The following TMPRSS15 variants were observed in gnomAD, a reference collection of about 807,000 sequenced individuals.
TMPRSS15 encodes enteropeptidase.
Under a neutral mutation model 125.3 loss-of-function variants are expected in TMPRSS15, and 128 were observed. The ratio of observed to expected loss-of-function variants is 1.02; its 90% CI spans 0.89 to 1.18. The LOEUF (loss-of-function observed/expected upper bound fraction) is 1.18. TMPRSS15 is among the 50% of genes most tolerant of loss of function. The probability of loss-of-function intolerance (pLI) is 0.00; values close to 1 mark genes in which losing one functional copy is unlikely to be tolerated. For missense variants in TMPRSS15, 1,283 were observed against 1,212.7 expected (o/e 1.06, Z -0.86); for synonymous variants, 446 against 423.2 (o/e 1.05, Z -0.66).
intron 1 of TMPRSS15, among the ~76,000 whole-genome samples, chr21:18,415,007 C>T (rs568812047): frequency 1.3e-4 from 20 of 151,950 alleles, no homozygotes; most frequent in Non-Finnish European, 1.0e-4. Context: ...ATTTTTCTAC[C>T]TTCTTGCTAG....
At chr21:18,384,006 C>G (rs755448546) in intron 3 of TMPRSS15, among the ~76,000 whole-genome samples, 21 of 152,120 alleles carry the variant, frequency 1.4e-4, no homozygotes, top group African/African-American at 5.1e-4. Context: ...AAAGTAGATG[C>G]AAAATTGAAA....
rs2075479931 is a variant in TMPRSS15, at chr21:18,344,063, G to A, written c.1172-3C>T. 1 of 1,611,230 alleles carries A rather than the reference G, an allele frequency of 6.2e-7. No individual in the cohort carries two copies. Among genetic ancestry groups the A allele is most frequent in the African/African-American group, 1.3e-5 (1 of 74,936 alleles). On this transcript the variant is annotated splice_polypyrimidine_tract_variant and splice_region_variant and intron_variant, in intron 10 of 24. Coordinates refer to ENST00000284885, the MANE Select transcript of TMPRSS15 (RefSeq NM_002772.3). ...AGTTGGGGTAGAAATGTAAAATCCT[G>A]TAAAAATATCAAAAAAAATTTATTT...
At chr21:18,346,851 T>C (rs1265226656) in intron 10 of TMPRSS15, among the ~76,000 whole-genome samples, 1 of 152,218 alleles carries the variant, frequency 6.6e-6, no homozygotes, top group African/African-American at 2.4e-5. Context: ...ATTCAAGATC[T>C]TTTATTATCT....
At chr21:18,394,577 C>T (rs2076017831) in intron 3 of TMPRSS15, among the ~76,000 whole-genome samples, 1 of 151,854 alleles carries the variant, frequency 6.6e-6, no homozygotes, top group Admixed American at 6.6e-5. Context: ...CTCTCACATA[C>T]ACACAAACAC....
At chr21:18,418,651 C>A (rs997466230) in intron 1 of TMPRSS15, among the ~76,000 whole-genome samples, 2 of 152,282 alleles carry the variant, frequency 1.3e-5, no homozygotes, top group African/African-American at 4.8e-5. Context: ...GCTCTATAAT[C>A]TATTAACTAT....
chr21:18,401,800 C>T (rs926497128), intron 1 of TMPRSS15, among the ~76,000 whole-genome samples: 2 of 152,134 alleles, frequency 1.3e-5, no homozygotes, highest in South Asian at 2.1e-4. Flanking sequence ...AGCATTAACT[C>T]GAATCCCTTT....
chr21:18,435,764 A>C (rs1159303331), intron 1 of TMPRSS15, among the ~76,000 whole-genome samples: 2 of 151,318 alleles, frequency 1.3e-5, no homozygotes, highest in African/African-American at 2.4e-5. Flanking sequence ...CTGGTCCTGG[A>C]CTCTTTTTAG....
intron 3 of TMPRSS15, among the ~76,000 whole-genome samples, chr21:18,392,871 C>T (rs954405100): frequency 6.6e-6 from 1 of 152,122 alleles, no homozygotes; most frequent in African/African-American, 2.4e-5. Flanking sequence ...ATAAAACCAT[C>T]AGATCTCATG....
Position 18,455,097 on chromosome 21 carries a change from A to C in TMPRSS15, c.10+30702T>G, listed in dbSNP as rs527383344. On this transcript the variant is annotated intron_variant, in intron 1 of 7. Transcript: ENST00000422787. ...TCACACGAGATCTGATGGTTTTATA[A>C]GGGTTTTTTTCCTTCCTTCACTCCT... Among the ~76,000 whole-genome samples, 5 of 152,150 alleles carry C rather than the reference A, an allele frequency of 3.3e-5. 1 individual carries two copies. Among genetic ancestry groups the C allele is most frequent in the Admixed American group, 3.3e-4 (5 of 15,266 alleles).
intron 5 of TMPRSS15, among the ~76,000 whole-genome samples, chr21:18,374,201 C>T (rs1288715036): frequency 6.6e-6 from 1 of 152,106 alleles, no homozygotes; most frequent in Non-Finnish European, 1.5e-5. Context: ...AGGCCGGGCG[C>T]GGTGGCTCAC....
In TMPRSS15 at chr21:18,373,761, C is replaced by G. The variant is rs1334786094; in HGVS notation, c.533-1437G>C. ...AGCTCCACTTCCTGATGTATCACAT[C>G]TCTGTTCAGTATCTGTTGAACTCTT... On this transcript the variant is annotated intron_variant, in intron 5 of 24. Coordinates refer to ENST00000284885, the MANE Select transcript of TMPRSS15 (RefSeq NM_002772.3). 3.3e-5 allele frequency among the ~76,000 whole-genome samples: 5 copies of G among 152,180 alleles called. No individual in the cohort carries two copies. The East Asian group carries it at 9.7e-4, about 29-fold the overall frequency.
Position 18,403,729 on chromosome 21 carries a change from AC to A in TMPRSS15, c.-108del. 1 of 1,418,574 alleles carries A rather than the reference AC, an allele frequency of 7.0e-7. No individual in the cohort carries two copies. Among genetic ancestry groups the A allele is most frequent in the Non-Finnish European group, 9.8e-7 (1 of 1,023,300 alleles). 87.9% of individuals were successfully genotyped at this position (1,418,574 alleles called of 1,614,324 possible). A position where few individuals can be genotyped will look rare whatever the true frequency, so the allele number is the denominator to read the frequency against. Reference sequence around the variant, plus strand: ...ATTTTTAAAGATGTGTAAAGCAACAACCACCTGTCTACATGCATACCAGTCA... The same window carrying A: ...ATTTTTAAAGATGTGTAAAGCAACAACACCTGTCTACATGCATACCAGTCA... On this transcript the variant is annotated 5_prime_UTR_variant, in exon 1 of 25. The change creates a premature stop within an existing upstream ORF in the 5' untranslated region. Coordinates refer to ENST00000284885, the MANE Select transcript of TMPRSS15 (RefSeq NM_002772.3).
chr21:18,413,338 T>TCCTTCCTTCCTG, intron 1 of TMPRSS15, among the ~76,000 whole-genome samples: 1 of 141,944 alleles, frequency 7.0e-6, no homozygotes, highest in Admixed American at 7.1e-5. Context: ...CTTCCTTCCT[T>TCCTTCCTTCCTG]CCTTCCTTCC....
At chr21:18,312,516 A>G (rs1388056369) in intron 18 of TMPRSS15, among the ~76,000 whole-genome samples, 1 of 151,138 alleles carries the variant, frequency 6.6e-6, no homozygotes, top group South Asian at 2.1e-4. Flanking sequence ...CTACAATTGT[A>G]CTTCTATAAA....
Position 18,302,333 on chromosome 21 carries a change from C to T in TMPRSS15, c.2166-4504G>A, listed in dbSNP as rs537639159. Reference sequence around the variant, plus strand: ...GACAGAAGGCAGGGGGACCATTTTACAGGCAGAGGCTTGGTGGATAGAAGA... The same window carrying T: ...GACAGAAGGCAGGGGGACCATTTTATAGGCAGAGGCTTGGTGGATAGAAGA... On this transcript the variant is annotated intron_variant, in intron 18 of 24. Transcript: ENST00000284885. Among the ~76,000 whole-genome samples, 50 of 152,224 alleles carry T rather than the reference C, an allele frequency of 3.3e-4. 1 individual carries two copies. The Middle Eastern group carries it at 0.017, about 52-fold the overall frequency.
chr21:18,293,294 C>T (rs144166298), intron 21 of TMPRSS15, among the ~76,000 whole-genome samples: 236 of 152,226 alleles, frequency 1.6e-3, no homozygotes, highest in African/African-American at 5.1e-3. Flanking sequence ...TGATTAACTA[C>T]GGCTGCCTCG....
At chr21:18,314,394 T>G (rs1175362112) in intron 17 of TMPRSS15, among the ~76,000 whole-genome samples, 2 of 152,164 alleles carry the variant, frequency 1.3e-5, no homozygotes, top group African/African-American at 4.8e-5. Flanking sequence ...TTCTCCTGCC[T>G]CAGCCTCCGG....
intron 3 of TMPRSS15, among the ~76,000 whole-genome samples, chr21:18,397,595 C>T (rs139563764): frequency 8.0e-4 from 121 of 152,128 alleles, no homozygotes; most frequent in Non-Finnish European, 1.2e-3. Flanking sequence ...TCCAAATGTT[C>T]GTAGCAAGTC....
chr21:18,467,365 C>A (rs1034831552), intron 1 of TMPRSS15, among the ~76,000 whole-genome samples: 5 of 151,710 alleles, frequency 3.3e-5, no homozygotes, highest in African/African-American at 1.2e-4. Flanking sequence ...TGTAACAAAC[C>A]TGCACGTTCT....
Sources: gnomAD v4.1 joint callset for allele counts (sites outside exome capture counted in the v4.1 genomes callset) on GRCh38, gnomAD v4.1.1 for gene constraint, MANE v1.5 for transcripts, NCBI Gene and HGNC (gene_info 2026-07-23, HGNC 2026-07-21) for gene names.